Variants in CEP192 observed in about 807,000 individuals in gnomAD.
The protein encoded by CEP192 is centrosomal protein 192.
Under a neutral mutation model 271.8 loss-of-function variants are expected in CEP192, and 151 were observed. That is an observed-to-expected ratio of 0.56 (90% CI 0.49 to 0.64). CEP192 has a LOEUF of 0.64. Ranked by LOEUF, CEP192 falls within the 30% of genes least tolerant of loss-of-function variation. The pLI is 0.00. For missense variants in CEP192, 2,910 were observed against 3,020.5 expected (o/e 0.96, Z 0.86); for synonymous variants, 995 against 1,076.5 (o/e 0.92, Z 1.48).
At position 13,073,069 on chromosome 18, in the gene CEP192, C is replaced by T. The variant is rs769180305; in HGVS notation, c.5500C>T (p.Pro1834Ser). 6.2e-7 allele frequency: 1 copy of T among 1,613,660 alleles called. No individual in the cohort carries two copies. The highest frequency in any genetic ancestry group is 1.7e-5 in the Admixed American group (1 of 59,956). The change falls in exon 30 of 45, where the codon CCA becomes TCA. Residue 1834 changes from proline to serine, a missense_variant. Coordinates refer to ENST00000506447, the MANE Select transcript of CEP192 (RefSeq NM_032142.4). ...LTSNCEIRIH[P>S]KEDIFISVLF... The stretch of plus-strand genomic sequence containing the variant: ...CAGTAACTGTGAGATCAGAATTCAC[C>T]CAAAGGAAGACATTTTCATCTCTGT...
At chr18:13,024,168 T>A (rs181596433) in intron 9 of CEP192, 1 of 265,996 alleles carries the variant, frequency 3.8e-6, no homozygotes, top group East Asian at 1.1e-4. Flanking sequence ...TTTGATGCTG[T>A]CTTGTAAGGT....
intron 36 of CEP192, among the ~76,000 whole-genome samples, chr18:13,098,250 C>T (rs1043130087): frequency 2.0e-5 from 3 of 151,140 alleles, no homozygotes; most frequent in East Asian, 2.0e-4. Flanking sequence ...ACCTCCCGGA[C>T]GGGACGGCTG....
At position 13,071,052 on chromosome 18, in the gene CEP192, T is replaced by C. The variant is rs1343884879; in HGVS notation, c.5188T>C (p.Phe1730Leu). ...TTTCTTTCTTAGGATCTTGAAAATA[T>C]TTGTGCAGCCATTTGGACCTCAGTA... ...EACEERILKIFVQPFGPQYEV... is the reference protein window; with the variant it reads ...EACEERILKILVQPFGPQYEV... The change falls in exon 28 of 45, where the codon TTT (phenylalanine) becomes CTT (leucine). Residue 1730 changes from phenylalanine (F) to leucine (L), a missense_variant. By Grantham distance (22) the Phe-to-Leu change is conservative. Coordinates refer to ENST00000506447, the MANE Select transcript of CEP192 (RefSeq NM_032142.4). 6.2e-7 allele frequency: 1 copy of C among 1,612,648 alleles called. No homozygotes were observed. The highest frequency in any genetic ancestry group is 8.5e-7 in the Non-Finnish European group (1 of 1,179,456).
At chr18:13,102,427 G>A (rs547643181) in intron 38 of CEP192, among the ~76,000 whole-genome samples, 1 of 151,986 alleles carries the variant, frequency 6.6e-6, no homozygotes, top group African/African-American at 2.4e-5. Context: ...ACCATCACCA[G>A]GTTAAGAAGC....
chr18:13,124,545 A>G (rs1213379345), intron 44 of CEP192, 87 bp from the exon 45 acceptor site: 3 of 1,333,736 alleles, frequency 2.2e-6, no homozygotes, highest in Non-Finnish European at 3.0e-6. Context: ...CTCTTTCCTC[A>G]ACACCTGAGC....
intron 9 of CEP192, among the ~76,000 whole-genome samples, chr18:13,026,103 G>A (rs990091225): frequency 6.6e-6 from 1 of 152,180 alleles, no homozygotes; most frequent in Non-Finnish European, 1.5e-5. Context: ...TCCCTTTCAT[G>A]TTTGAAGGAT....
intron 3 of CEP192, among the ~76,000 whole-genome samples, chr18:13,007,324 T>A (rs2034044702): frequency 6.6e-6 from 1 of 152,208 alleles, no homozygotes; most frequent in East Asian, 1.9e-4. Context: ...TTTTTTGAGC[T>A]AATAAAAATA....
At position 13,015,325 on chromosome 18, in the gene CEP192, T is replaced by C. The variant is rs192203833; in HGVS notation, c.520-3T>C. 3,076 of 1,550,416 alleles carry C rather than the reference T, an allele frequency of 2.0e-3. 4 individuals are homozygous for C. Among genetic ancestry groups the C allele is most frequent in the Non-Finnish European group, 2.6e-3 (2,941 of 1,146,634 alleles). On this transcript the variant is annotated splice_polypyrimidine_tract_variant and splice_region_variant and intron_variant, in intron 5 of 44. Transcript: ENST00000506447. Reference sequence around the variant, plus strand: ...CTCTTACTTGCCATTTTGTTTCTTATAGATTGTTGTGCTTGATGCTGGAAA... The same window carrying C: ...CTCTTACTTGCCATTTTGTTTCTTACAGATTGTTGTGCTTGATGCTGGAAA...
intron 9 of CEP192, among the ~76,000 whole-genome samples, chr18:13,019,493 T>C (rs1392728853): frequency 6.6e-6 from 1 of 152,230 alleles, no homozygotes; most frequent in Non-Finnish European, 1.5e-5. Context: ...TCTTTTACCT[T>C]GCTCAAACAT....
At chr18:13,081,147 C>T (rs1213829203) in intron 30 of CEP192, among the ~76,000 whole-genome samples, 1 of 152,090 alleles carries the variant, frequency 6.6e-6, no homozygotes, top group East Asian at 1.9e-4. Flanking sequence ...ATGATGCTGG[C>T]CTCATAAAAA....
chr18:13,055,920 T>C lies in CEP192; in HGVS notation c.3330T>C (p.Asn1110=), dbSNP rs749917772. 2 of 1,614,166 alleles carry C rather than the reference T, an allele frequency of 1.2e-6. No homozygotes were observed. The highest frequency in any genetic ancestry group is 1.7e-6 in the Non-Finnish European group (2 of 1,180,020). The change falls in exon 19 of 45, where the codon AAT becomes AAC. Residue 1110 remains asparagine (N), a synonymous_variant. Coordinates refer to ENST00000506447, the MANE Select transcript of CEP192 (RefSeq NM_032142.4). ...GKGTLSSIIQ[N]NSDTRKATET... ...GAACATTATCATCTATTATCCAGAATAACTCTGATACAAGAAAAGCAACTG... is the reference window on the plus strand; with the variant it reads ...GAACATTATCATCTATTATCCAGAACAACTCTGATACAAGAAAAGCAACTG...
At chr18:13,036,465 C>T (rs2035924436) in intron 11 of CEP192, among the ~76,000 whole-genome samples, 1 of 152,224 alleles carries the variant, frequency 6.6e-6, no homozygotes, top group Non-Finnish European at 1.5e-5. Context: ...CTGCTCCAAC[C>T]CTGCAGTGCC....
chr18:13,011,981 A>G (rs888479509), intron 4 of CEP192, among the ~76,000 whole-genome samples: 2 of 152,226 alleles, frequency 1.3e-5, no homozygotes, highest in African/African-American at 4.8e-5. Context: ...AAAAGGAGCA[A>G]AGTACTGATA....
intron 15 of CEP192, among the ~76,000 whole-genome samples, chr18:13,043,786 T>C (rs1568325902): frequency 1.3e-5 from 2 of 152,224 alleles, no homozygotes; most frequent in African/African-American, 4.8e-5. Flanking sequence ...TTAATTTCCC[T>C]TTGTATTTTA....
chr18:13,008,410 C>G, intron 3 of CEP192, 46 bp from the exon 4 acceptor site: 1 of 1,280,706 alleles, frequency 7.8e-7, no homozygotes, highest in Non-Finnish European at 1.1e-6. Context: ...TAGATTTACC[C>G]AAGGTAACTA....
chr18:13,052,937 TG>T lies in CEP192; in HGVS notation c.3038del (p.Gly1013ValfsTer25), dbSNP rs1373515208. ...CTTTCAGGTGTGCGTTAGAGTCCTT[TG>T]GTTCAGCAGCTCAGCAGCAGCAGCC... The part of the protein sequence containing the change: ...SSSGCALESF[G>X]SAAQQQQPPC... On this transcript the variant is annotated frameshift_variant, in exon 18 of 45. Coordinates refer to ENST00000506447, the MANE Select transcript of CEP192 (RefSeq NM_032142.4). LOFTEE classifies it high-confidence loss of function. The T allele has an allele frequency of 6.2e-7, 1 of 1,609,154 alleles. No individual in the cohort carries two copies. Among genetic ancestry groups the T allele is most frequent in the Non-Finnish European group, 8.5e-7 (1 of 1,177,196 alleles).
chr18:13,036,182 A>G (rs755060546), intron 11 of CEP192, among the ~76,000 whole-genome samples: 17 of 151,902 alleles, frequency 1.1e-4, no homozygotes, highest in Middle Eastern at 6.8e-3. Context: ...TTTTTTTAAT[A>G]AGAAATGGTC....
chr18:13,085,650 G>A (rs1466209494), intron 30 of CEP192, among the ~76,000 whole-genome samples: 1 of 152,124 alleles, frequency 6.6e-6, no homozygotes, highest in Non-Finnish European at 1.5e-5. Context: ...ATTAAATAGG[G>A]AATCCTTTCC....
At chr18:13,008,248 G>GTA (rs2034101813) in intron 3 of CEP192, among the ~76,000 whole-genome samples, 1 of 151,868 alleles carries the variant, frequency 6.6e-6, no homozygotes, top group African/African-American at 2.4e-5. Context: ...TTGGTAGACT[G>GTA]TATCACTGGA....
Sources: allele counts gnomAD v4.1 joint callset (sites outside exome capture counted in the v4.1 genomes callset), GRCh38; gene constraint gnomAD v4.1.1; transcripts MANE v1.5; gene names NCBI Gene and HGNC (gene_info 2026-07-23, HGNC 2026-07-21).